SYNE2: variants seen among roughly 807,000 people sequenced by gnomAD.
SYNE2 encodes the protein spectrin repeat containing nuclear envelope protein 2, also known as nesprin-2.
A neutral mutation model predicts 856.3 loss-of-function variants in SYNE2; 431 were observed. The observed-to-expected ratio is 0.50, with a 90% CI of 0.47 to 0.55. The LOEUF (loss-of-function observed/expected upper bound fraction) is 0.55. SYNE2 is among the 20% of genes least tolerant of loss of function. The pLI is 0.00. For missense variants in SYNE2, 8,129 were observed against 8,023.2 expected, an observed-to-expected ratio of 1.01 and a Z score of -0.50; for synonymous variants, 2,923 against 2,872.3, an observed-to-expected ratio of 1.02 and a Z score of -0.56.
intron 23 of SYNE2, among the ~76,000 whole-genome samples, chr14:63,995,730 C>T (rs12893330): frequency 4.2e-4 from 48 of 113,526 alleles, no homozygotes; most frequent in Middle Eastern, 4.5e-3. Context: ...TATATCTATC[C>T]ATCTATCTAT....
chr14:64,100,555 T>TATAGATATATAGATATATAG (rs1567299317), intron 63 of SYNE2, among the ~76,000 whole-genome samples: 1 of 122,068 alleles, frequency 8.2e-6, no homozygotes, highest in Admixed American at 9.0e-5. Context: ...TATATATATA[T>TATAGATATATAGATATATAG]ATATATATAT....
At chr14:64,009,856 A>G (rs2096829995) in intron 31 of SYNE2, 110 bp from the exon 32 acceptor site, 1 of 946,200 alleles carries the variant, frequency 1.1e-6, no homozygotes, top group Non-Finnish European at 1.6e-6. Flanking sequence ...CCACATCAAG[A>G]GGAAAAGTCC....
intron 1 of SYNE2, among the ~76,000 whole-genome samples, chr14:63,785,917 G>A (rs1177421780): frequency 6.6e-6 from 1 of 151,880 alleles, no homozygotes; most frequent in Non-Finnish European, 1.5e-5. Context: ...ACCAGCCTGG[G>A]CATCATAGCC....
At chr14:63,807,341 C>CAAA (rs574264237) in intron 1 of SYNE2, among the ~76,000 whole-genome samples, 3 of 86,646 alleles carry the variant, frequency 3.5e-5, no homozygotes, top group African/African-American at 7.9e-5. Flanking sequence ...GACCCTGTCT[C>CAAA]AAAAAAAAAA....
rs954255572 is a variant in SYNE2, at chr14:64,188,601, T to A, written c.17764T>A (p.Phe5922Ile). 11 of 1,614,194 alleles carry A rather than the reference T, an allele frequency of 6.8e-6. No homozygotes were observed. The highest frequency in any genetic ancestry group is 8.5e-7 in the Non-Finnish European group (1 of 1,180,026). Residue 5922 changes from phenylalanine (F) to isoleucine (I), a missense_variant, in exon 98 of 116, where the codon TTC becomes ATC. Phe to Ile is a conservative substitution (Grantham distance 21). This residue lies in a region of SYNE2 where 5,410 missense variants were observed against 5,284.8 expected (regional missense o/e 1.02). Coordinates refer to ENST00000555002, the MANE Select transcript of SYNE2 (RefSeq NM_182914.3). ...AGACAGACTCAATACATGGGTTGTATTCAATGAAAAAAATAAAGAGTTGTG... is the reference window on the plus strand; with the variant it reads ...AGACAGACTCAATACATGGGTTGTAATCAATGAAAAAAATAAAGAGTTGTG... ...IEDRLNTWVVFNEKNKELCAW... is the reference protein window; with the variant it reads ...IEDRLNTWVVINEKNKELCAW...
intron 1 of SYNE2, among the ~76,000 whole-genome samples, chr14:63,785,684 A>G (rs954440284): frequency 2.0e-4 from 30 of 152,340 alleles, no homozygotes; most frequent in African/African-American, 7.2e-4. Context: ...ATTCTGTACT[A>G]TCTTTTGATA....
chr14:64,152,354 G>T (rs2098251196), intron 84 of SYNE2, among the ~76,000 whole-genome samples: 1 of 152,208 alleles, frequency 6.6e-6, no homozygotes, highest in Non-Finnish European at 1.5e-5. Context: ...TGATGGTTCA[G>T]ACGTGTTGCC....
intron 44 of SYNE2, among the ~76,000 whole-genome samples, chr14:64,030,501 G>A (rs1034711166): frequency 6.6e-6 from 1 of 152,138 alleles, no homozygotes; most frequent in Non-Finnish European, 1.5e-5. Flanking sequence ...TTCCTTTTCA[G>A]TCTAGAGTTT....
chr14:63,789,100 T>G (rs1887641447), intron 1 of SYNE2, among the ~76,000 whole-genome samples: 1 of 152,226 alleles, frequency 6.6e-6, no homozygotes, highest in South Asian at 2.1e-4. Context: ...GTTAATTTTC[T>G]TAGTTTTCAT....
intron 42 of SYNE2, among the ~76,000 whole-genome samples, chr14:64,027,193 T>TA (rs1176854461): frequency 6.6e-6 from 1 of 152,168 alleles, no homozygotes; most frequent in Non-Finnish European, 1.5e-5. Flanking sequence ...TATGGGAAAA[T>TA]ATAATTAGTA....
intron 11 of SYNE2, among the ~76,000 whole-genome samples, chr14:63,975,270 A>G (rs2096533032): frequency 6.6e-6 from 1 of 151,626 alleles, no homozygotes; most frequent in Non-Finnish European, 1.5e-5. Flanking sequence ...CACAATTTTG[A>G]TATCTTTAAT....
At chr14:63,821,843 C>G (rs943035384) in intron 1 of SYNE2, among the ~76,000 whole-genome samples, 1 of 151,888 alleles carries the variant, frequency 6.6e-6, no homozygotes, top group Admixed American at 6.6e-5. Context: ...TCAAATTGTT[C>G]AAAACATTAG....
In SYNE2 at chr14:64,220,485, A is replaced by C; in HGVS notation, c.19909A>C (p.Asn6637His). ...DTYKALVVSVNVSSKEFLQTE... is the reference protein window; with the variant it reads ...DTYKALVVSVHVSSKEFLQTE... ...TTACAAGGCATTAGTGGTCTCTGTCAACGTGAGCAGCAAGGAATTTCTGCA... is the reference window on the plus strand; with the variant it reads ...TTACAAGGCATTAGTGGTCTCTGTCCACGTGAGCAGCAAGGAATTTCTGCA... Residue 6637 changes from asparagine to histidine, a missense_variant, in exon 111 of 116, where the codon AAC becomes CAC. By Grantham distance (68) the Asn-to-His change is moderately conservative. Around this residue, in one of 3 missense-constraint regions of SYNE2, gnomAD observed 5,410 missense variants for 5,284.8 expected, o/e 1.02. Transcript: ENST00000555002. 5 of 1,614,206 alleles carry C rather than the reference A, an allele frequency of 3.1e-6. No individual in the cohort carries two copies. In the South Asian group the frequency reaches 4.4e-5, roughly 14 times the overall value.
At chr14:64,156,660 T>C (rs2098288715) in intron 85 of SYNE2, among the ~76,000 whole-genome samples, 1 of 152,124 alleles carries the variant, frequency 6.6e-6, no homozygotes, top group Admixed American at 6.5e-5. Context: ...GGTTTCACCA[T>C]GTTGACCAGG....
rs116745841 is a variant in SYNE2 at position 63,903,043 on chromosome 14, G to T, written c.-51-6055G>T. 5.2e-3 allele frequency among the ~76,000 whole-genome samples: 794 copies of T among 152,220 alleles called. 3 individuals carry two copies. Among genetic ancestry groups the T allele is most frequent in the African/African-American group, 0.018 (748 of 41,524 alleles). On this transcript the variant is annotated intron_variant, in intron 1 of 115. Transcript: ENST00000555002. ...AGCTTCTGAATTCAAATCCTGAGAA[G>T]TTCCTTGGAACTTTTCTTTTCTACT... is the stretch of plus-strand genomic sequence containing the variant.
chr14:64,032,015 G>T (rs1276450502), intron 45 of SYNE2, among the ~76,000 whole-genome samples: 1 of 152,198 alleles, frequency 6.6e-6, no homozygotes, highest in Non-Finnish European at 1.5e-5. Flanking sequence ...CTGACACGCA[G>T]CTTCTCACAG....
chr14:64,214,682 G>A (rs1385975326), intron 106 of SYNE2, among the ~76,000 whole-genome samples: 1 of 152,170 alleles, frequency 6.6e-6, no homozygotes, highest in African/African-American at 2.4e-5. Flanking sequence ...GAAAAAAAAT[G>A]AAATTCACAT....
Position 64,080,615 on chromosome 14 carries a change from T to A in SYNE2, c.11323T>A (p.Cys3775Ser), listed in dbSNP as rs753899883. Reference protein sequence around the residue: ...QYQQVSQRAECRTSQLNKATV... With the variant: ...QYQQVSQRAESRTSQLNKATV... ...TCAGCAAGTATCACAGAGAGCAGAG[T>A]GTAGAACCTCACAGTTGAATAAGGT... Residue 3775 changes from cysteine to serine, a missense_variant, in exon 56 of 116, where the codon TGT becomes AGT. Transcript: ENST00000555002. 118 of 1,613,934 alleles carry A rather than the reference T, an allele frequency of 7.3e-5. No homozygotes were observed. Among genetic ancestry groups the A allele is most frequent in the Non-Finnish European group, 9.2e-5 (109 of 1,180,000 alleles).
Position 64,209,992 on chromosome 14 carries a change from CA to C in SYNE2, c.18593del (p.Lys6198SerfsTer18), listed in dbSNP as rs759797395. ...GGCTCACTCAGCTGGAGCTCATCAA[CA>C]AGCAGTACCGGCGGCTGGCCCGGGA... ...ERLTQLELIN[K>X]QYRRLARENR... is the part of the protein sequence containing the mutation. On this transcript the variant is annotated frameshift_variant, in exon 103 of 116. Transcript: ENST00000555002. LOFTEE classifies it high-confidence loss of function. 1 of 1,614,162 alleles carries C rather than the reference CA, an allele frequency of 6.2e-7. No individual in the cohort carries two copies.
Sources: allele counts gnomAD v4.1 joint callset (sites outside exome capture counted in the v4.1 genomes callset), GRCh38; gene constraint gnomAD v4.1.1; regional missense constraint gnomAD v4.1.1; transcripts MANE v1.5; gene names NCBI Gene and HGNC (gene_info 2026-07-23, HGNC 2026-07-21).